MYO5A: variants seen among roughly 807,000 people sequenced by gnomAD.
MYO5A encodes the protein myosin VA.
Under a neutral mutation model 249.7 loss-of-function variants are expected in MYO5A, and 98 were observed. The ratio of observed to expected loss-of-function variants is 0.39; its 90% confidence interval spans 0.33 to 0.46. MYO5A has a LOEUF of 0.46. Ranked by LOEUF, MYO5A falls within the 20% of genes least tolerant of loss-of-function variation. The pLI is 0.98. For synonymous variants in MYO5A, 778 were observed against 810.6 expected, an observed-to-expected ratio of 0.96 and a Z score of 0.68; for missense variants, 1,696 against 2,308.8, an observed-to-expected ratio of 0.73 and a Z score of 5.44.
In MYO5A at chr15:52,405,346, T is replaced by C. The variant is rs766618790; in HGVS notation, c.994A>G (p.Ile332Val). The change falls in exon 9 of 42, where the codon ATC becomes GTC. Residue 332 changes from isoleucine (I) to valine (V), a missense_variant. This residue lies in a region of MYO5A where 185 missense variants were observed against 204.8 expected (regional missense o/e 0.90). Coordinates refer to ENST00000399233, the MANE Select transcript of MYO5A (RefSeq NM_001382347.1). ...QMGIFRILAGILHLGNVGFTS... is the reference protein window; with the variant it reads ...QMGIFRILAGVLHLGNVGFTS... The stretch of plus-strand genomic sequence containing the variant: ...AATCCAACATTGCCTAAGTGAAGGA[T>C]GCCAGCAAGTATTCGGAAAATTCCC... 2.5e-6 allele frequency: 4 copies of C among 1,613,898 alleles called. No individual in the cohort carries two copies. The highest frequency in any genetic ancestry group is 1.7e-6 in the Non-Finnish European group (2 of 1,179,886).
At chr15:52,356,674 T>C (rs1034138356) in intron 25 of MYO5A, among the ~76,000 whole-genome samples, 2 of 151,342 alleles carry the variant, frequency 1.3e-5, no homozygotes, top group Admixed American at 1.3e-4. Context: ...CAATTTAAAC[T>C]TCTATCAGCA....
At chr15:52,386,428 A>C (rs1284815305) in intron 14 of MYO5A, among the ~76,000 whole-genome samples, 2 of 152,198 alleles carry the variant, frequency 1.3e-5, no homozygotes, top group Non-Finnish European at 2.9e-5. Context: ...ATTACTTATA[A>C]ATCAAACCAA....
chr15:52,477,808 G>A (rs2076628418), intron 1 of MYO5A, among the ~76,000 whole-genome samples: 1 of 152,206 alleles, frequency 6.6e-6, no homozygotes, highest in African/African-American at 2.4e-5. Flanking sequence ...CGTATGAGGT[G>A]TGAGTCAGCC....
chr15:52,499,045 G>A (rs1051226151), intron 1 of MYO5A, among the ~76,000 whole-genome samples: 14 of 152,284 alleles, frequency 9.2e-5, no homozygotes, highest in African/African-American at 3.1e-4. Flanking sequence ...TTGTGGGGCA[G>A]AGCCAAGGCA....
chr15:52,343,886 G>C (rs563868503), intron 30 of MYO5A, among the ~76,000 whole-genome samples: 1 of 152,246 alleles, frequency 6.6e-6, no homozygotes, highest in East Asian at 1.9e-4. Context: ...TTTCCACTTA[G>C]AATATAAAAA....
At chr15:52,348,412 A>G (rs1000525172) in intron 29 of MYO5A, among the ~76,000 whole-genome samples, 5 of 152,242 alleles carry the variant, frequency 3.3e-5, no homozygotes, top group Admixed American at 1.3e-4. Context: ...AGCAAAGAAC[A>G]GTGTGCTCAG....
intron 1 of MYO5A, among the ~76,000 whole-genome samples, chr15:52,475,645 A>G (rs2076576146): frequency 6.6e-6 from 1 of 152,116 alleles, no homozygotes. Context: ...TTTGTTATGT[A>G]CTCAGTAGTC....
intron 1 of MYO5A, among the ~76,000 whole-genome samples, chr15:52,434,042 C>A (rs1357754467): frequency 6.7e-6 from 1 of 149,482 alleles, no homozygotes; most frequent in Non-Finnish European, 1.5e-5. Flanking sequence ...CTCTGTTGCC[C>A]AGGCTGGAGT....
At chr15:52,502,230 C>T (rs762462030) in intron 1 of MYO5A, among the ~76,000 whole-genome samples, 1 of 151,962 alleles carries the variant, frequency 6.6e-6, no homozygotes, top group Non-Finnish European at 1.5e-5. Context: ...TTACAGTGAG[C>T]CAAGATCGCG....
chr15:52,477,620 C>T (rs2076624743), intron 1 of MYO5A, among the ~76,000 whole-genome samples: 1 of 152,144 alleles, frequency 6.6e-6, no homozygotes, highest in Admixed American at 6.5e-5. Flanking sequence ...TGTTAGTTTT[C>T]CTTCTAACAG....
chr15:52,366,800 G>T (rs2040835292), intron 23 of MYO5A, among the ~76,000 whole-genome samples: 1 of 151,980 alleles, frequency 6.6e-6, no homozygotes, highest in Admixed American at 6.6e-5. Flanking sequence ...GACTGAACCG[G>T]AGTTCACATT....
chr15:52,435,387 C>T (rs912565106), intron 1 of MYO5A, among the ~76,000 whole-genome samples: 1 of 151,588 alleles, frequency 6.6e-6, no homozygotes, highest in African/African-American at 2.4e-5. Flanking sequence ...AGTGATTCTC[C>T]TGCCTCGGCC....
chr15:52,410,288 T>C lies in MYO5A; in HGVS notation c.756+45A>G, dbSNP rs747608973. ...CCAGCAAGCATGGACTCAACAATTATACAGCAATCTAACACAAGTGCATAT... is the reference window on the plus strand; with the variant it reads ...CCAGCAAGCATGGACTCAACAATTACACAGCAATCTAACACAAGTGCATAT... On this transcript the variant is annotated intron_variant, in intron 6 of 41. Coordinates refer to ENST00000399233, the MANE Select transcript of MYO5A (RefSeq NM_001382347.1). 29 of 1,583,728 alleles carry C rather than the reference T, an allele frequency of 1.8e-5. No individual in the cohort carries two copies. In the East Asian group the frequency reaches 5.4e-4, roughly 29 times the overall value.
intron 9 of MYO5A, among the ~76,000 whole-genome samples, chr15:52,399,075 T>A (rs2042622200): frequency 6.6e-6 from 1 of 152,158 alleles, no homozygotes; most frequent in African/African-American, 2.4e-5. Flanking sequence ...TGTTGTTACC[T>A]TATTGTTCTA....
chr15:52,345,133 T>C (rs902129425), intron 30 of MYO5A, among the ~76,000 whole-genome samples: 3 of 152,222 alleles, frequency 2.0e-5, no homozygotes, highest in Admixed American at 1.3e-4. Context: ...GAATCCCTTA[T>C]ATAAAATTTG....
chr15:52,479,399 C>G (rs1191366364), intron 1 of MYO5A, among the ~76,000 whole-genome samples: 4 of 151,710 alleles, frequency 2.6e-5, no homozygotes, highest in African/African-American at 9.7e-5. Context: ...TTCGATATTT[C>G]TAGGCTACAT....
intron 40 of MYO5A, among the ~76,000 whole-genome samples, chr15:52,316,419 G>A (rs2038019318): frequency 6.6e-6 from 1 of 152,050 alleles, no homozygotes. Context: ...GACCTTCCCT[G>A]AATACTGCTA....
intron 1 of MYO5A, among the ~76,000 whole-genome samples, chr15:52,485,751 C>A (rs571430991): frequency 6.6e-6 from 1 of 152,074 alleles, no homozygotes; most frequent in Non-Finnish European, 1.5e-5. Context: ...GCCTCAATAA[C>A]TTGAACAGAA....
intron 1 of MYO5A, among the ~76,000 whole-genome samples, chr15:52,469,034 C>A (rs1053022180): frequency 3.3e-5 from 5 of 151,942 alleles, no homozygotes; most frequent in Non-Finnish European, 7.4e-5. Context: ...CACGGAGATA[C>A]TAAAAAATAC....
Sources: allele counts gnomAD v4.1 joint callset (sites outside exome capture counted in the v4.1 genomes callset), GRCh38; gene constraint gnomAD v4.1.1; regional missense constraint gnomAD v4.1.1; transcripts MANE v1.5; gene names NCBI Gene and HGNC (gene_info 2026-07-23, HGNC 2026-07-21).